TMEM132D: variants seen among roughly 807,000 people sequenced by gnomAD.
TMEM132D encodes mature OL transmembrane protein.
TMEM132D carries 21 observed loss-of-function variants against 62.3 expected under a neutral mutation model. The observed-to-expected ratio is 0.34, with a 90% CI of 0.24 to 0.49. The LOEUF (loss-of-function observed/expected upper bound fraction) is 0.49. TMEM132D is among the 20% of genes least tolerant of loss of function. The pLI, the probability that TMEM132D is intolerant of heterozygous loss-of-function variation, is 0.99. For synonymous variants in TMEM132D, 621 were observed against 575.6 expected (o/e 1.08, Z -1.13); for missense variants, 1,346 against 1,402.8 (o/e 0.96, Z 0.65).
intron 5 of TMEM132D, among the ~76,000 whole-genome samples, chr12:129,178,433 G>GT (rs60615317): frequency 0.14 from 19,554 of 140,490 alleles, 1,494 homozygotes; most frequent in Middle Eastern, 0.21. Flanking sequence ...ACCAGCATCT[G>GT]TTTTTTTTTT....
chr12:129,726,178 T>C (rs1422707798), intron 1 of TMEM132D, among the ~76,000 whole-genome samples: 1 of 152,218 alleles, frequency 6.6e-6, no homozygotes, highest in Non-Finnish European at 1.5e-5. Context: ...TGGTTTCCCA[T>C]GGATCCCCCA....
chr12:129,299,628 GTTT>G (rs11394064), intron 4 of TMEM132D, among the ~76,000 whole-genome samples: 2 of 136,976 alleles, frequency 1.5e-5, no homozygotes, highest in Non-Finnish European at 3.1e-5. Flanking sequence ...GAACAATCAG[GTTT>G]TTTTTTTTTT....
At chr12:129,184,442 G>A (rs532135730) in intron 5 of TMEM132D, among the ~76,000 whole-genome samples, 4 of 152,322 alleles carry the variant, frequency 2.6e-5, no homozygotes, top group South Asian at 2.1e-4. Flanking sequence ...ACCTGCCTAC[G>A]GGATGGGGTT....
intron 1 of TMEM132D, among the ~76,000 whole-genome samples, chr12:129,885,303 C>T (rs1394016976): frequency 6.6e-6 from 1 of 152,226 alleles, no homozygotes; most frequent in Non-Finnish European, 1.5e-5. Flanking sequence ...TTTCTCCACT[C>T]ACCATATCTT....
At chr12:129,752,946 G>A (rs1227823360) in intron 1 of TMEM132D, among the ~76,000 whole-genome samples, 1 of 152,148 alleles carries the variant, frequency 6.6e-6, no homozygotes, top group East Asian at 1.9e-4. Context: ...AAGCAACTTT[G>A]GTGAGAAGCT....
At chr12:129,566,960 C>T (rs1293727672) in intron 2 of TMEM132D, among the ~76,000 whole-genome samples, 1 of 152,118 alleles carries the variant, frequency 6.6e-6, no homozygotes, top group Non-Finnish European at 1.5e-5. Context: ...TCAAGTTGTT[C>T]CGCCTTTCCA....
chr12:129,527,284 G>A (rs1024483107), intron 3 of TMEM132D, among the ~76,000 whole-genome samples: 1 of 152,152 alleles, frequency 6.6e-6, no homozygotes, highest in Non-Finnish European at 1.5e-5. Flanking sequence ...ACTCCGGCTT[G>A]GGCAACAGTG....
chr12:129,291,005 T>C (rs1210899745), intron 4 of TMEM132D, among the ~76,000 whole-genome samples: 1 of 152,194 alleles, frequency 6.6e-6, no homozygotes, highest in African/African-American at 2.4e-5. Flanking sequence ...GAAGGTTTCA[T>C]GTATCCAAAG....
intron 5 of TMEM132D, among the ~76,000 whole-genome samples, chr12:129,184,231 C>T (rs1347056727): frequency 6.6e-6 from 1 of 152,170 alleles, no homozygotes; most frequent in Non-Finnish European, 1.5e-5. Context: ...GGCGGAGGGG[C>T]ATGGGGAGTC....
At chr12:129,413,003 C>A (rs1213629134) in intron 3 of TMEM132D, among the ~76,000 whole-genome samples, 6 of 152,192 alleles carry the variant, frequency 3.9e-5, no homozygotes, top group African/African-American at 7.2e-5. Context: ...GAAAAATAAT[C>A]TCTTACGATA....
intron 1 of TMEM132D, among the ~76,000 whole-genome samples, chr12:129,832,661 G>A (rs1168351745): frequency 6.6e-6 from 1 of 152,166 alleles, no homozygotes; most frequent in East Asian, 1.9e-4. Context: ...CTGCCCGGCA[G>A]GTGAAGGGCT....
At chr12:129,522,514 G>T (rs1384204839) in intron 3 of TMEM132D, 1 of 152,096 alleles carries the variant, frequency 6.6e-6, no homozygotes, top group African/African-American at 2.4e-5. Flanking sequence ...GAAACTGGAG[G>T]TTTCGGCAAG....
intron 5 of TMEM132D, among the ~76,000 whole-genome samples, chr12:129,163,038 A>G (rs1300285200): frequency 6.6e-6 from 1 of 152,114 alleles, no homozygotes; most frequent in Non-Finnish European, 1.5e-5. Flanking sequence ...AACCTCCGAC[A>G]CCACGTCCTG....
chr12:129,380,238 C>A (rs1245875250), intron 3 of TMEM132D, among the ~76,000 whole-genome samples: 1 of 152,098 alleles, frequency 6.6e-6, no homozygotes, highest in Non-Finnish European at 1.5e-5. Flanking sequence ...CTAAACTGCT[C>A]ATTAGCCTCA....
chr12:129,131,739 G>A (rs2135525375), intron 5 of TMEM132D, among the ~76,000 whole-genome samples: 1 of 152,280 alleles, frequency 6.6e-6, no homozygotes, highest in Middle Eastern at 3.4e-3. Context: ...TGATACAGAT[G>A]ATGTCACACT....
At chr12:129,356,681 TA>T (rs1267193563) in intron 3 of TMEM132D, among the ~76,000 whole-genome samples, 1 of 147,586 alleles carries the variant, frequency 6.8e-6, no homozygotes, top group African/African-American at 2.5e-5. Flanking sequence ...AATAAATAAA[TA>T]AATAAATAAA....
At chr12:129,815,438 G>A (rs936760895) in intron 1 of TMEM132D, among the ~76,000 whole-genome samples, 7 of 152,216 alleles carry the variant, frequency 4.6e-5, no homozygotes, top group African/African-American at 9.7e-5. Flanking sequence ...AGAATTGCAC[G>A]TGTGCAGAAA....
intron 1 of TMEM132D, among the ~76,000 whole-genome samples, chr12:129,749,929 C>A (rs1469415942): frequency 1.3e-5 from 2 of 152,126 alleles, no homozygotes; most frequent in African/African-American, 2.4e-5. Context: ...CCTTTTAATC[C>A]TTTTCCCTTC....
At chr12:129,423,694 C>T (rs971302099) in intron 3 of TMEM132D, among the ~76,000 whole-genome samples, 9 of 152,192 alleles carry the variant, frequency 5.9e-5, no homozygotes, top group East Asian at 1.9e-4. Context: ...TATGCTAATA[C>T]GGACAGACCC....
Sources: allele counts gnomAD v4.1 joint callset (sites outside exome capture counted in the v4.1 genomes callset), GRCh38; gene constraint gnomAD v4.1.1; transcripts MANE v1.5; gene names NCBI Gene and HGNC (gene_info 2026-07-23, HGNC 2026-07-21).